FAAH2: variants seen among roughly 807,000 people sequenced by gnomAD.
The protein encoded by FAAH2 is fatty acid amide hydrolase 2, also known as fatty-acid amide hydrolase 2.
A neutral mutation model predicts 36.9 loss-of-function variants in FAAH2; 60 were observed. The ratio of observed to expected loss-of-function variants is 1.63; its 90% CI spans 1.32 to 2.02. The LOEUF (loss-of-function observed/expected upper bound fraction) is 2.02. Among genes scored for constraint, FAAH2 ranks in the 30% most tolerant of loss-of-function variants. The pLI is 0.00. For missense variants in FAAH2, 689 were observed against 397.5 expected, an observed-to-expected ratio of 1.73 and a Z score of -6.23; for synonymous variants, 214 against 143.8, an observed-to-expected ratio of 1.49 and a Z score of -3.49.
chrX:57,383,265 CA>C (rs1022644654), intron 7 of FAAH2, among the ~76,000 whole-genome samples: 4 of 111,991 alleles, frequency 3.6e-5, no homozygotes, highest in African/African-American at 1.3e-4. Context: ...AAAACTGGCA[CA>C]AGACAGCGAT....
In FAAH2 at chrX:57,349,083, CAT is replaced by C. The variant is rs757427895; in HGVS notation, c.742+7702_742+7703del. 7.6e-3 allele frequency among the ~76,000 whole-genome samples: 726 copies of C among 95,006 alleles called. 10 individuals are homozygous for C. The highest frequency in any genetic ancestry group is 0.023 in the African/African-American group (610 of 26,436). 82.5% of individuals were successfully genotyped at this position (95,006 alleles called of 115,157 possible). A position where few individuals can be genotyped will look rare whatever the true frequency, so the allele number is the denominator to read the frequency against. On this transcript the variant is annotated intron_variant, in intron 5 of 10. Transcript: ENST00000374900. ...AATATATATATATATTATATATACACATATATATATTATATATATAATGTATA... is the reference window on the plus strand; with the variant it reads ...AATATATATATATATTATATATACACATATATATTATATATATAATGTATA...
chrX:57,480,073 C>T (rs951705676), intron 10 of FAAH2, among the ~76,000 whole-genome samples: 11 of 111,316 alleles, frequency 9.9e-5, no homozygotes, highest in African/African-American at 2.9e-4. Context: ...AAGAAGTTGA[C>T]TCTCTGAATA....
At chrX:57,384,401 G>T (rs986718879) in intron 7 of FAAH2, among the ~76,000 whole-genome samples, 2 of 103,998 alleles carry the variant, frequency 1.9e-5, no homozygotes, top group Non-Finnish European at 4.0e-5. Context: ...TACAGAATGG[G>T]AGAAAATTTT....
chrX:57,270,758 G>T, the FAAH2 span, among the ~76,000 whole-genome samples: 14 of 111,323 alleles, frequency 1.3e-4, no homozygotes, highest in African/African-American at 4.6e-4. Context: ...CTACACAAGA[G>T]AACCCATGAG....
chrX:57,393,961 T>C, intron 7 of FAAH2: 1 of 809,405 alleles, frequency 1.2e-6, no homozygotes, highest in South Asian at 2.1e-5. Flanking sequence ...TGTTTAACCT[T>C]TGTATGTGGA....
intron 10 of FAAH2, among the ~76,000 whole-genome samples, chrX:57,471,674 A>C (rs1025248074): frequency 1.8e-5 from 2 of 111,966 alleles, no homozygotes; most frequent in African/African-American, 6.5e-5. Context: ...TGCCCAAGGT[A>C]ATTTATAGAT....
At chrX:57,315,775 C>T (rs2052820956) in intron 3 of FAAH2, among the ~76,000 whole-genome samples, 1 of 111,244 alleles carries the variant, frequency 9.0e-6, no homozygotes, top group Non-Finnish European at 1.9e-5. Context: ...TAATAAGAGT[C>T]ATCTATACCA....
chrX:57,378,950 C>A (rs768930423), intron 6 of FAAH2, among the ~76,000 whole-genome samples, 164 bp downstream of exon 6: 6 of 112,047 alleles, frequency 5.4e-5, no homozygotes, highest in African/African-American at 1.9e-4. Context: ...CCATGCTTCA[C>A]AAATTGGAAA....
At chrX:57,399,519 A>G (rs758724255) in intron 7 of FAAH2, among the ~76,000 whole-genome samples, 46 of 111,838 alleles carry the variant, frequency 4.1e-4, no homozygotes, top group East Asian at 2.8e-3. Context: ...GGATTACCCC[A>G]TACTAGGGGT....
chrX:57,419,289 C>A (rs1013077176), intron 7 of FAAH2, among the ~76,000 whole-genome samples: 22 of 110,806 alleles, frequency 2.0e-4, no homozygotes, highest in African/African-American at 6.9e-4. Flanking sequence ...TGAGGAATCA[C>A]CACACTGACT....
chrX:57,442,838 G>C (rs1471780167), intron 8 of FAAH2, among the ~76,000 whole-genome samples: 2 of 111,187 alleles, frequency 1.8e-5, no homozygotes, highest in Admixed American at 1.9e-4. Context: ...TTGCTTGTCT[G>C]TAAAGGATTT....
chrX:57,361,363 A>C (rs2054281764), intron 5 of FAAH2, among the ~76,000 whole-genome samples: 1 of 111,079 alleles, frequency 9.0e-6, no homozygotes, highest in Admixed American at 9.6e-5. Flanking sequence ...TCTAGTTCTC[A>C]AAGGTGCAGC....
chrX:57,217,536 G>A, the FAAH2 span, among the ~76,000 whole-genome samples: 1 of 111,653 alleles, frequency 9.0e-6, no homozygotes, highest in Non-Finnish European at 1.9e-5. Flanking sequence ...TGTTGAAAAG[G>A]GTGTCTTTTC....
chrX:57,261,659 T>G, the FAAH2 span, among the ~76,000 whole-genome samples: 1 of 109,829 alleles, frequency 9.1e-6, no homozygotes, highest in East Asian at 2.8e-4. Flanking sequence ...AGATTAATTG[T>G]TGCCAGGGAT....
chrX:57,467,931 G>T (rs987930995), intron 10 of FAAH2, among the ~76,000 whole-genome samples: 1 of 111,902 alleles, frequency 8.9e-6, no homozygotes, highest in African/African-American at 3.2e-5. Context: ...AGCAACATTT[G>T]CTGTTCAGCA....
intron 10 of FAAH2, among the ~76,000 whole-genome samples, chrX:57,479,746 A>G (rs920506712): frequency 8.1e-5 from 9 of 111,798 alleles, no homozygotes; most frequent in Non-Finnish European, 1.7e-4. Flanking sequence ...TGAGATAATC[A>G]TGTGGTTTTT....
Position 57,298,701 on chromosome X carries a change from A to G in FAAH2, c.275+6121A>G, listed in dbSNP as rs1296951278. On this transcript the variant is annotated intron_variant, in intron 2 of 10. Transcript: ENST00000374900. ...TTGAAAAGATCAACAAAATTGATAG[A>G]CCACTAGCCAGACTAATAAAGAAGA... Among the ~76,000 whole-genome samples the G allele has an allele frequency of 1.2e-4, 7 of 57,719 alleles. No homozygotes were observed. The East Asian group carries it at 4.0e-3, about 33-fold the overall frequency. The allele number at this position is 57,719 out of a possible 115,157, so 50.1% of individuals were successfully genotyped here.
the FAAH2 span, among the ~76,000 whole-genome samples, chrX:57,264,720 C>A: frequency 8.9e-6 from 1 of 112,281 alleles, no homozygotes. Context: ...CTATCATAAA[C>A]ACGCATGCAC....
upstream of FAAH2, among the ~76,000 whole-genome samples, chrX:57,282,379 G>C (rs1239111471): frequency 4.5e-5 from 5 of 111,899 alleles, no homozygotes; most frequent in Non-Finnish European, 9.4e-5. Flanking sequence ...TTTCAGAAGT[G>C]TCTGTTTATG....
Sources: allele counts gnomAD v4.1 joint callset (sites outside exome capture counted in the v4.1 genomes callset), GRCh38; gene constraint gnomAD v4.1.1; transcripts MANE v1.5; gene names NCBI Gene and HGNC (gene_info 2026-07-23, HGNC 2026-07-21).